SLC38A6: variants seen among roughly 807,000 people sequenced by gnomAD.
SLC38A6 encodes solute carrier family 38 member 6.
SLC38A6 carries 73 observed loss-of-function variants against 65.0 expected under a neutral mutation model. The observed-to-expected ratio is 1.12, with a 90% CI of 0.93 to 1.37. SLC38A6 has a LOEUF of 1.37. SLC38A6 is among the 40% of genes most tolerant of loss of function. The probability of loss-of-function intolerance (pLI) is 0.00; values close to 1 mark genes in which losing one functional copy is unlikely to be tolerated. For synonymous variants in SLC38A6, 183 were observed against 178.8 expected, an observed-to-expected ratio of 1.02 and a Z score of -0.19; for missense variants, 561 against 531.1, an observed-to-expected ratio of 1.06 and a Z score of -0.55.
chr14:61,069,481 C>T (rs1206941705), intron 15 of SLC38A6, among the ~76,000 whole-genome samples: 1 of 152,052 alleles, frequency 6.6e-6, no homozygotes, highest in Non-Finnish European at 1.5e-5. Flanking sequence ...ACTGTTTTTT[C>T]TGTCTAGCAC....
chr14:60,989,716 C>A (rs557681875), intron 3 of SLC38A6, among the ~76,000 whole-genome samples: 21 of 152,214 alleles, frequency 1.4e-4, no homozygotes, highest in African/African-American at 4.6e-4. Context: ...GGGAGTGAAA[C>A]CCTGTCTCCA....
chr14:61,057,826 A>C (rs909450192), intron 15 of SLC38A6, among the ~76,000 whole-genome samples: 2 of 124,640 alleles, frequency 1.6e-5, no homozygotes, highest in African/African-American at 6.3e-5. Flanking sequence ...CAGAGATTCA[A>C]CTTCTTCCTG....
At chr14:61,006,394 C>T (rs1473646756) in intron 3 of SLC38A6, among the ~76,000 whole-genome samples, 4 of 152,050 alleles carry the variant, frequency 2.6e-5, no homozygotes, top group African/African-American at 9.7e-5. Flanking sequence ...AACAGGCAAC[C>T]TACAAAATGG....
intron 3 of SLC38A6, among the ~76,000 whole-genome samples, chr14:61,008,279 A>G (rs2139444856): frequency 6.9e-6 from 1 of 144,054 alleles, no homozygotes; most frequent in East Asian, 2.0e-4. Context: ...AGATCTCATT[A>G]TTTTTTCAGC....
At position 61,007,445 on chromosome 14, in the gene SLC38A6, C is replaced by T. The variant is rs1451333456; in HGVS notation, c.311-8459C>T. ...AAGAGTTTGAGATTAACCTGGGCAA[C>T]ATAGTGAAACCCTGCCTATACAAAA... On this transcript the variant is annotated intron_variant, in intron 3 of 15. Transcript: ENST00000267488. 3.3e-5 allele frequency among the ~76,000 whole-genome samples: 5 copies of T among 152,060 alleles called. No homozygotes were observed. The East Asian group carries it at 9.6e-4, about 29-fold the overall frequency.
At chr14:60,982,050 G>C (rs2037081768) in intron 1 of SLC38A6, 2 of 417,122 alleles carry the variant, frequency 4.8e-6, no homozygotes, top group Admixed American at 5.3e-5. Flanking sequence ...CATCCTTCCA[G>C]TTTGGTAGAA....
downstream of SLC38A6, among the ~76,000 whole-genome samples, chr14:61,053,294 T>C (rs1016019569): frequency 9.9e-5 from 15 of 152,158 alleles, no homozygotes; most frequent in Non-Finnish European, 1.8e-4. Flanking sequence ...TATAGGGTGA[T>C]TCCATGTCTT....
intron 6 of SLC38A6, among the ~76,000 whole-genome samples, chr14:61,033,473 A>G (rs1022591832): frequency 6.6e-6 from 1 of 152,122 alleles, no homozygotes; most frequent in African/African-American, 2.4e-5. Flanking sequence ...AGATCACAGT[A>G]GGAAAACAGG....
At chr14:61,004,225 CT>C (rs1033693333) in intron 3 of SLC38A6, among the ~76,000 whole-genome samples, 1 of 152,106 alleles carries the variant, frequency 6.6e-6, no homozygotes, top group African/African-American at 2.4e-5. Flanking sequence ...AAGGTATTTG[CT>C]TGCTACATTT....
At chr14:61,055,267 C>G (rs1158364246), downstream of SLC38A6, among the ~76,000 whole-genome samples, 2 of 61,548 alleles carry the variant, frequency 3.2e-5, no homozygotes, top group East Asian at 8.6e-4. Flanking sequence ...TCCCTCCCCC[C>G]TCCCCCGACC....
At chr14:60,984,329 G>C (rs868777129) in intron 2 of SLC38A6, among the ~76,000 whole-genome samples, 2 of 152,048 alleles carry the variant, frequency 1.3e-5, no homozygotes, top group South Asian at 4.1e-4. Context: ...GAGGGAGGAA[G>C]GGAAAAAGAG....
intron 15 of SLC38A6, among the ~76,000 whole-genome samples, chr14:61,077,576 T>A (rs2043467132): frequency 6.6e-6 from 1 of 152,246 alleles, no homozygotes; most frequent in South Asian, 2.1e-4. Context: ...ATAATAATAT[T>A]TACATTTCAC....
At chr14:61,077,202 C>T (rs186403605) in intron 15 of SLC38A6, among the ~76,000 whole-genome samples, 1 of 152,238 alleles carries the variant, frequency 6.6e-6, no homozygotes, top group East Asian at 1.9e-4. Context: ...CATCAAAGAC[C>T]AGTGAAAACT....
At chr14:60,993,358 C>A (rs1327419948) in intron 3 of SLC38A6, among the ~76,000 whole-genome samples, 1 of 152,166 alleles carries the variant, frequency 6.6e-6, no homozygotes, top group East Asian at 1.9e-4. Context: ...ACTCCAGAGT[C>A]CACTTTCATA....
At position 61,045,386 on chromosome 14, in the gene SLC38A6, G is replaced by A; in HGVS notation, c.785G>A (p.Cys262Tyr). Residue 262 changes from cysteine to tyrosine, a missense_variant, in exon 11 of 16, where the codon TGC (cysteine) becomes TAC (tyrosine). Transcript: ENST00000267488. ...CCAACCATGGCTTTTTCATTTCTCT[G>A]CCATACCTCAATATTGCCCATATAC... ...ALPTMAFSFLCHTSILPIYCE... is the reference protein window; with the variant it reads ...ALPTMAFSFLYHTSILPIYCE... The A allele has an allele frequency of 1.9e-6, 3 of 1,613,340 alleles. No homozygotes were observed. The highest frequency in any genetic ancestry group is 2.5e-6 in the Non-Finnish European group (3 of 1,179,730).
intron 2 of SLC38A6, among the ~76,000 whole-genome samples, chr14:60,984,444 C>G (rs1421564712): frequency 6.6e-6 from 1 of 151,314 alleles, no homozygotes; most frequent in Non-Finnish European, 1.5e-5. Flanking sequence ...GCTGATTCAG[C>G]AGTCAGCAGA....
At chr14:61,019,615 T>C in intron 5 of SLC38A6, 35 bp downstream of exon 5, 2 of 1,597,640 alleles carry the variant, frequency 1.3e-6, no homozygotes, top group Non-Finnish European at 8.6e-7. Flanking sequence ...TATACATAAA[T>C]GTGATGGCAA....
chr14:61,011,937 G>T lies in SLC38A6; in HGVS notation c.311-3967G>T, dbSNP rs1188856132. On this transcript the variant is annotated intron_variant, in intron 3 of 15. Transcript: ENST00000267488. ...AGGATTCCCTCTTTTTCTATTGATT[G>T]GAATAGTTTCAGAAGGAATGGTACC... 2.6e-5 allele frequency among the ~76,000 whole-genome samples: 4 copies of T among 152,108 alleles called. No homozygotes were observed. In the South Asian group the frequency reaches 8.3e-4, roughly 31 times the overall value.
chr14:61,052,502 C>T lies in SLC38A6; in HGVS notation c.*73C>T. The T allele has an allele frequency of 6.8e-7, 1 of 1,475,996 alleles. No homozygotes were observed. The highest frequency in any genetic ancestry group is 1.5e-5 in the South Asian group (1 of 68,696). The allele number at this position is 1,475,996 out of a possible 1,614,324, so 91.4% of individuals were successfully genotyped here. Reference sequence around the variant, plus strand: ...AAGAATGAATTATTCCGGAAGACACCCTGGATGAAAAATAACATTTTAATA... The same window carrying T: ...AAGAATGAATTATTCCGGAAGACACTCTGGATGAAAAATAACATTTTAATA... On this transcript the variant is annotated 3_prime_UTR_variant, in exon 16 of 16. Transcript: ENST00000267488.
Sources: allele counts gnomAD v4.1 joint callset (sites outside exome capture counted in the v4.1 genomes callset), GRCh38; gene constraint gnomAD v4.1.1; transcripts MANE v1.5; gene names NCBI Gene and HGNC (gene_info 2026-07-23, HGNC 2026-07-21).